Variants in BRWD1 observed in about 807,000 individuals in gnomAD.
BRWD1 encodes bromodomain and WD repeat-containing protein 1.
Under a neutral mutation model 251.2 loss-of-function variants are expected in BRWD1, and 82 were observed. The ratio of observed to expected loss-of-function variants is 0.33; its 90% CI spans 0.27 to 0.39. The LOEUF is 0.39. BRWD1 is among the 10% of genes least tolerant of loss of function. The probability of loss-of-function intolerance (pLI) is 1.00; values close to 1 mark genes in which losing one functional copy is unlikely to be tolerated. For synonymous variants in BRWD1, 918 were observed against 902.8 expected (o/e 1.02, Z -0.30); for missense variants, 2,233 against 2,711.6 (o/e 0.82, Z 3.92).
intron 8 of BRWD1, among the ~76,000 whole-genome samples, chr21:39,286,253 C>T (rs1005912727): frequency 1.3e-5 from 2 of 152,020 alleles, no homozygotes; most frequent in Non-Finnish European, 2.9e-5. Context: ...CTGCTGACCT[C>T]GTGATCTGCC....
In BRWD1 at chr21:39,210,015, T is replaced by A; in HGVS notation, c.4177A>T (p.Thr1393Ser). 1 of 1,613,600 alleles carries A rather than the reference T, an allele frequency of 6.2e-7. No homozygotes were observed. The highest frequency in any genetic ancestry group is 1.7e-5 in the Admixed American group (1 of 59,944). The change falls in exon 36 of 41, where the codon ACA becomes TCA. Residue 1393 changes from threonine to serine, a missense_variant. Physicochemically the swap from Thr to Ser is moderately conservative, Grantham distance 58. Transcript: ENST00000342449. ...ATTACCTTTGATCTTTTGTTTGGTG[T>A]ATACGCTTTTGCATTGCTAAATATC... ...RLIFSNAKAY[T>S]PNKRSKIYSM...
At chr21:39,289,441 T>C (rs2035739315) in intron 8 of BRWD1, among the ~76,000 whole-genome samples, 2 of 152,242 alleles carry the variant, frequency 1.3e-5, no homozygotes, top group South Asian at 2.1e-4. Flanking sequence ...CCAATGTTTA[T>C]TTCCATTTAC....
chr21:39,253,828 T>C (rs1324552693), intron 19 of BRWD1, among the ~76,000 whole-genome samples: 1 of 152,230 alleles, frequency 6.6e-6, no homozygotes, highest in Non-Finnish European at 1.5e-5. Context: ...TAGATATCAT[T>C]CTAAAAAGTA....
intron 4 of BRWD1, among the ~76,000 whole-genome samples, chr21:39,309,812 G>C (rs190522378): frequency 1.5e-5 from 2 of 132,410 alleles, no homozygotes; most frequent in Non-Finnish European, 3.1e-5. Flanking sequence ...GCGACAGAGC[G>C]AGACTCCGTC....
At chr21:39,257,747 A>G (rs1269704155) in intron 18 of BRWD1, among the ~76,000 whole-genome samples, 2 of 152,206 alleles carry the variant, frequency 1.3e-5, no homozygotes, top group Non-Finnish European at 2.9e-5. Flanking sequence ...ATTAAGATAT[A>G]AAGTGTCACA....
At chr21:39,282,452 T>C (rs997786356) in intron 8 of BRWD1, among the ~76,000 whole-genome samples, 2 of 152,124 alleles carry the variant, frequency 1.3e-5, no homozygotes, top group East Asian at 1.9e-4. Flanking sequence ...TTAAAAGTAA[T>C]GAGAAAAAGT....
upstream of BRWD1, chr21:39,313,938 G>A (rs572809134): frequency 5.9e-6 from 2 of 337,992 alleles, no homozygotes; most frequent in South Asian, 2.2e-5. Flanking sequence ...CCAGCAGCGG[G>A]CGGGTGCCGG....
intron 8 of BRWD1, among the ~76,000 whole-genome samples, chr21:39,292,348 G>A (rs1332425066): frequency 6.6e-6 from 1 of 152,110 alleles, no homozygotes; most frequent in South Asian, 2.1e-4. Context: ...GCCAAGAACC[G>A]TGCACTAGTA....
At chr21:39,236,550 G>T in intron 23 of BRWD1, 45 bp downstream of exon 23, 1 of 1,424,268 alleles carries the variant, frequency 7.0e-7, no homozygotes, top group Non-Finnish European at 9.6e-7. Flanking sequence ...GGGTAAAGCT[G>T]GGGTATCATG....
rs771867165 is a variant in BRWD1, at chr21:39,313,289, G to A, written c.60C>T (p.Phe20=). ...PVPLIESELY[F]LIARYLSAGP... ...CCGCCGATAGGTACCGGGCGATAAGGAAGTACAGCTCTGCGGGAAGACAAG... is the reference window on the plus strand; with the variant it reads ...CCGCCGATAGGTACCGGGCGATAAGAAAGTACAGCTCTGCGGGAAGACAAG... Residue 20 remains phenylalanine, a synonymous_variant, in exon 2 of 41, where the codon TTC becomes TTT. Transcript: ENST00000342449. The A allele has an allele frequency of 1.2e-5, 18 of 1,555,696 alleles. No individual in the cohort carries two copies. Among genetic ancestry groups the A allele is most frequent in the South Asian group, 8.1e-5 (7 of 86,834 alleles).
rs762873282 is a variant in BRWD1, at chr21:39,197,366, C to T, written c.5703G>A (p.Arg1901=). 29 of 1,606,116 alleles carry T rather than the reference C, an allele frequency of 1.8e-5. No individual in the cohort carries two copies. In the Admixed American group the frequency reaches 4.0e-4, roughly 22 times the overall value. ...TACTGTCTGAGTCACTGGAACAGAC[C>T]CTTTTCCTGGAAATTTTTCTGCTTA... ...NGLSRKISRK[R]VCSSDSDSSL... is the part of the protein sequence containing the mutation. Residue 1901 remains arginine (R), a synonymous_variant, in exon 41 of 41, where the codon AGG becomes AGA. Coordinates refer to ENST00000342449, the MANE Select transcript of BRWD1 (RefSeq NM_033656.4).
rs1354347388 is a variant in BRWD1 at position 39,236,729 on chromosome 21, G to T, written c.2632C>A (p.Pro878Thr). 6.2e-7 allele frequency: 1 copy of T among 1,614,056 alleles called. No individual in the cohort carries two copies. The highest frequency in any genetic ancestry group is 8.5e-7 in the Non-Finnish European group (1 of 1,179,988). The change falls in exon 23 of 41, where the codon CCT becomes ACT. Residue 878 changes from proline to threonine, a missense_variant. By Grantham distance (38) the Pro-to-Thr change is conservative. This residue lies in a region of BRWD1 where 214 missense variants were observed against 222.0 expected (regional missense o/e 0.96). Transcript: ENST00000342449. ...CGACGACATGATGTTCTTAAAGGAG[G>T]CTGCAAATTGATGCCCGCATCAGCT... ...WTADAGINLQ[P>T]PLRTSCRRRI...
chr21:39,313,789 TGAG>T (rs1448879185), upstream of BRWD1: 3 of 372,800 alleles, frequency 8.0e-6, no homozygotes, highest in South Asian at 3.1e-5. Context: ...GGGGACTCGA[TGAG>T]GAGAAAGTGA....
intron 21 of BRWD1, among the ~76,000 whole-genome samples, chr21:39,241,696 T>TACTTTATTGTGCTTC (rs2034010247): frequency 6.6e-6 from 1 of 152,094 alleles, no homozygotes; most frequent in Non-Finnish European, 1.5e-5. Context: ...TATCGTGCTT[T>TACTTTATTGTGCTTC]ACTTTATTGT....
chr21:39,257,873 TGGC>T (rs1367373195), intron 18 of BRWD1, among the ~76,000 whole-genome samples: 1 of 152,156 alleles, frequency 6.6e-6, no homozygotes, highest in Non-Finnish European at 1.5e-5. Context: ...AAAGAATATA[TGGC>T]TGTTCATTGT....
chr21:39,199,939 A>G (rs1156682942), intron 39 of BRWD1, among the ~76,000 whole-genome samples: 1 of 152,152 alleles, frequency 6.6e-6, no homozygotes, highest in African/African-American at 2.4e-5. Context: ...TTTAGTAGAG[A>G]CAAGGCTTCG....
At chr21:39,291,664 GAGA>G (rs907057318) in intron 8 of BRWD1, among the ~76,000 whole-genome samples, 3 of 152,190 alleles carry the variant, frequency 2.0e-5, no homozygotes, top group Admixed American at 6.5e-5. Context: ...ACAAGGCCAG[GAGA>G]AGGACCAATC....
At chr21:39,287,723 T>C (rs753546538) in intron 8 of BRWD1, among the ~76,000 whole-genome samples, 14 of 152,230 alleles carry the variant, frequency 9.2e-5, no homozygotes, top group Non-Finnish European at 1.6e-4. Flanking sequence ...ACTACCGTTA[T>C]GCACATTTTT....
chr21:39,305,796 G>A lies in BRWD1; in HGVS notation c.198+7045C>T, dbSNP rs554176729. On this transcript the variant is annotated intron_variant, in intron 4 of 40. Transcript: ENST00000342449. ...GGAGAATCACTTGAACCCAGGAGGC[G>A]GAGGTTGCAGTGAGCCAAGACTGCG... Among the ~76,000 whole-genome samples, 14 of 151,766 alleles carry A rather than the reference G, an allele frequency of 9.2e-5. 1 individual carries two copies. In the East Asian group the frequency reaches 2.3e-3, roughly 25 times the overall value.
Sources: gnomAD v4.1 joint callset for allele counts (sites outside exome capture counted in the v4.1 genomes callset) on GRCh38, gnomAD v4.1.1 for gene constraint, gnomAD v4.1.1 regional missense constraint, MANE v1.5 for transcripts, NCBI Gene and HGNC (gene_info 2026-07-23, HGNC 2026-07-21) for gene names.